EXOC6: variants seen among roughly 807,000 people sequenced by gnomAD.
EXOC6 encodes SEC15-like 1.
A neutral mutation model predicts 112.5 loss-of-function variants in EXOC6; 60 were observed. That is an observed-to-expected ratio of 0.53 (90% CI 0.43 to 0.66). The LOEUF (loss-of-function observed/expected upper bound fraction) is 0.66. EXOC6 is among the 30% of genes least tolerant of loss of function. EXOC6 has a pLI of 0.00. For missense variants in EXOC6, 855 were observed against 957.1 expected (o/e 0.89, Z 1.41); for synonymous variants, 295 against 308.0 (o/e 0.96, Z 0.44).
At chr10:92,882,379 A>G (rs1315918265) in intron 1 of EXOC6, among the ~76,000 whole-genome samples, 1 of 151,958 alleles carries the variant, frequency 6.6e-6, no homozygotes, top group East Asian at 1.9e-4. Context: ...CCCCATCTCT[A>G]CTAAAAATAC....
At chr10:93,031,419 G>A (rs918924149) in intron 20 of EXOC6, among the ~76,000 whole-genome samples, 4 of 150,338 alleles carry the variant, frequency 2.7e-5, no homozygotes, top group Admixed American at 2.0e-4. Flanking sequence ...AGCTTGACTT[G>A]TTCTTATCTG....
intron 6 of EXOC6, among the ~76,000 whole-genome samples, chr10:92,912,010 T>C (rs1376916367): frequency 6.7e-6 from 1 of 149,542 alleles, no homozygotes; most frequent in Non-Finnish European, 1.5e-5. Context: ...AAGTCTCTCA[T>C]CAGCTGTGCT....
intron 17 of EXOC6, among the ~76,000 whole-genome samples, chr10:92,971,658 G>A (rs560780117): frequency 9.9e-5 from 15 of 152,094 alleles, no homozygotes; most frequent in African/African-American, 2.9e-4. Flanking sequence ...AGGATTACAC[G>A]CGTCACTTAT....
At chr10:92,847,298 G>T (rs759120320), upstream of EXOC6, among the ~76,000 whole-genome samples, 1 of 152,130 alleles carries the variant, frequency 6.6e-6, no homozygotes, top group African/African-American at 2.4e-5. Context: ...ACATATAAAA[G>T]AACTAGGTTC....
intron 1 of EXOC6, among the ~76,000 whole-genome samples, chr10:92,860,329 T>A (rs969591572): frequency 7.0e-6 from 1 of 141,876 alleles, no homozygotes; most frequent in Non-Finnish European, 1.5e-5. Flanking sequence ...TGGAGTGCAG[T>A]GGCGTGATCT....
chr10:92,853,688 A>G (rs1847459123), intron 1 of EXOC6, among the ~76,000 whole-genome samples: 1 of 152,234 alleles, frequency 6.6e-6, no homozygotes. Context: ...ATCCTTACAT[A>G]AAATAATGAA....
chr10:92,994,875 G>C lies in EXOC6; in HGVS notation c.1954-2599G>C, dbSNP rs117448472. On this transcript the variant is annotated intron_variant, in intron 18 of 21. Coordinates refer to ENST00000260762, the MANE Select transcript of EXOC6 (RefSeq NM_019053.6). ...ATATTTTCGGGTGTGTAAATTTTTG[G>C]AGTGTTAACATTTCTATCTAAAAAT... Among the ~76,000 whole-genome samples the C allele has an allele frequency of 5.2e-3, 787 of 151,806 alleles. 7 individuals are homozygous for C. The highest frequency in any genetic ancestry group is 5.1e-3 in the Non-Finnish European group (346 of 67,906).
Position 92,934,341 on chromosome 10 carries a change from G to A in EXOC6, c.1051G>A (p.Val351Met). The change falls in exon 11 of 22, where the codon GTG (valine) becomes ATG (methionine). Residue 351 changes from valine to methionine, a missense_variant. Physicochemically the swap from Val to Met is conservative, Grantham distance 21 (BLOSUM62 1). Transcript: ENST00000260762. ...TGTGGTAGAAGATCACATTTTACAT[G>A]TGACCCAAGGATTAGTAACCAGGGC... is the stretch of plus-strand genomic sequence containing the variant. Reference protein sequence around the residue: ...FFVVEDHILHVTQGLVTRAYT... With the variant: ...FFVVEDHILHMTQGLVTRAYT... The A allele has an allele frequency of 6.3e-7, 1 of 1,593,456 alleles. No homozygotes were observed. Among genetic ancestry groups the A allele is most frequent in the East Asian group, 2.3e-5 (1 of 44,326 alleles).
At chr10:92,885,985 G>C (rs1050809706) in intron 1 of EXOC6, among the ~76,000 whole-genome samples, 1 of 152,112 alleles carries the variant, frequency 6.6e-6, no homozygotes, top group Non-Finnish European at 1.5e-5. Context: ...ATATAAATAT[G>C]TGTGTGTTTG....
intron 1 of EXOC6, among the ~76,000 whole-genome samples, chr10:92,869,418 C>T (rs1848333670): frequency 6.6e-6 from 1 of 152,056 alleles, no homozygotes; most frequent in Non-Finnish European, 1.5e-5. Flanking sequence ...AAGGGATCCT[C>T]TCATTTCAGC....
chr10:92,917,663 T>C (rs890757647), intron 7 of EXOC6, among the ~76,000 whole-genome samples: 5 of 151,840 alleles, frequency 3.3e-5, no homozygotes, highest in African/African-American at 4.8e-5. Context: ...TAGCTAGGAC[T>C]AAAAGCACAC....
chr10:92,861,563 G>T (rs896519469), intron 1 of EXOC6, among the ~76,000 whole-genome samples: 6 of 152,026 alleles, frequency 3.9e-5, no homozygotes, highest in Non-Finnish European at 8.8e-5. Flanking sequence ...CAACACAGTT[G>T]GGGCAGGTGT....
At chr10:92,932,212 A>C (rs1269253739) in intron 9 of EXOC6, among the ~76,000 whole-genome samples, 1 of 152,204 alleles carries the variant, frequency 6.6e-6, no homozygotes, top group African/African-American at 2.4e-5. Context: ...GTTATATATA[A>C]TATGAGTAAT....
chr10:92,997,183 A>G (rs1403509777), intron 18 of EXOC6, among the ~76,000 whole-genome samples: 1 of 152,166 alleles, frequency 6.6e-6, no homozygotes, highest in African/African-American at 2.4e-5. Flanking sequence ...TCAGTATTTC[A>G]AGAGATCTGA....
chr10:92,863,742 C>T (rs549553549), intron 1 of EXOC6, among the ~76,000 whole-genome samples: 6 of 152,008 alleles, frequency 3.9e-5, no homozygotes, highest in Non-Finnish European at 5.9e-5. Context: ...GAAACCCCGT[C>T]TCTACTAAAA....
intron 5 of EXOC6, among the ~76,000 whole-genome samples, chr10:92,903,932 C>CT (rs1850307448): frequency 6.6e-6 from 1 of 152,040 alleles, no homozygotes; most frequent in South Asian, 2.1e-4. Context: ...TGCCTGAAAA[C>CT]TTTCCTGTGC....
chr10:92,987,488 A>G (rs925450428), intron 18 of EXOC6: 7 of 230,576 alleles, frequency 3.0e-5, no homozygotes, highest in African/African-American at 1.6e-4. Context: ...TAAATTAGCA[A>G]CAAACACAGA....
At chr10:92,964,880 C>T (rs1056533664) in intron 17 of EXOC6, among the ~76,000 whole-genome samples, 1 of 152,192 alleles carries the variant, frequency 6.6e-6, no homozygotes. Flanking sequence ...CCCAGCAGCT[C>T]TAGGCTGTCT....
intron 19 of EXOC6, among the ~76,000 whole-genome samples, chr10:93,008,963 T>C (rs1389848467): frequency 6.6e-6 from 1 of 152,198 alleles, no homozygotes; most frequent in Non-Finnish European, 1.5e-5. Flanking sequence ...CTCATACCTG[T>C]AATCTCAGCA....
Sources: gnomAD v4.1 joint callset for allele counts (sites outside exome capture counted in the v4.1 genomes callset) on GRCh38, gnomAD v4.1.1 for gene constraint, MANE v1.5 for transcripts, NCBI Gene and HGNC (gene_info 2026-07-23, HGNC 2026-07-21) for gene names.